Variants in DNM3 observed in about 807,000 individuals in gnomAD.
DNM3 encodes the protein dynamin-3.
Under a neutral mutation model 101.6 loss-of-function variants are expected in DNM3, and 47 were observed. The ratio of observed to expected loss-of-function variants is 0.46; its 90% CI spans 0.37 to 0.59. The LOEUF is 0.59. Among genes scored for constraint, DNM3 ranks in the 20% least tolerant of loss-of-function variants. DNM3 has a pLI of 0.00. For synonymous variants in DNM3, 385 were observed against 387.9 expected (o/e 0.99, Z 0.09); for missense variants, 849 against 1,085.7 (o/e 0.78, Z 3.06).
At chr1:172,023,986 G>A (rs1025091956) in intron 4 of DNM3, among the ~76,000 whole-genome samples, 148 of 150,602 alleles carry the variant, frequency 9.8e-4, no homozygotes, top group African/African-American at 3.3e-3. Flanking sequence ...TTTGCCTGGT[G>A]TTTCTGTTTA....
chr1:172,072,916 G>A (rs2052319982), intron 11 of DNM3, among the ~76,000 whole-genome samples: 1 of 152,122 alleles, frequency 6.6e-6, no homozygotes, highest in Middle Eastern at 3.4e-3. Flanking sequence ...AGAGTTAACT[G>A]TTCTTCAAGC....
chr1:172,399,959 CTG>C (rs1257338039), intron 20 of DNM3: 2 of 151,100 alleles, frequency 1.3e-5, no homozygotes, highest in Non-Finnish European at 2.9e-5. Flanking sequence ...GGTTATTTTT[CTG>C]TGAGTATTTC....
At chr1:172,044,099 T>A (rs1194512992) in intron 8 of DNM3, among the ~76,000 whole-genome samples, 6 of 152,138 alleles carry the variant, frequency 3.9e-5, no homozygotes, top group African/African-American at 1.2e-4. Context: ...AATTATACAT[T>A]TCAAATGAAT....
In DNM3 at chr1:172,184,249, G is replaced by A. The variant is rs149014569; in HGVS notation, c.1659+52961G>A. ...AATTTAGATATGTAGTCTGAATATA[G>A]CATCAGACAACCTGAACTGTTAAAC... is the stretch of plus-strand genomic sequence containing the variant. On this transcript the variant is annotated intron_variant, in intron 14 of 20. Transcript: ENST00000627582. Among the ~76,000 whole-genome samples, 628 of 152,156 alleles carry A rather than the reference G, an allele frequency of 4.1e-3. 13 individuals carry two copies. The highest frequency in any genetic ancestry group is 0.037 in the Admixed American group (564 of 15,268).
intron 13 of DNM3, among the ~76,000 whole-genome samples, chr1:172,108,109 A>G (rs563096162): frequency 3.9e-5 from 6 of 152,296 alleles, no homozygotes; most frequent in African/African-American, 1.4e-4. Flanking sequence ...ACATTTTATC[A>G]TAAATTTTAA....
At chr1:171,953,420 CT>C (rs749644835) in intron 2 of DNM3, among the ~76,000 whole-genome samples, 5,206 of 128,972 alleles carry the variant, frequency 0.04, 109 homozygotes, top group African/African-American at 0.078. Flanking sequence ...ATGCGCAATT[CT>C]TTTTTTTTTT....
At chr1:172,271,206 A>T (rs1045806424) in intron 15 of DNM3, among the ~76,000 whole-genome samples, 4 of 152,098 alleles carry the variant, frequency 2.6e-5, no homozygotes, top group African/African-American at 9.7e-5. Flanking sequence ...GGCCATAGTG[A>T]GAGTATTTAT....
At chr1:172,264,202 G>A (rs2148722833) in intron 15 of DNM3, among the ~76,000 whole-genome samples, 1 of 152,334 alleles carries the variant, frequency 6.6e-6, no homozygotes, top group Middle Eastern at 3.4e-3. Context: ...TATTTAATCT[G>A]TTGCTAGTCT....
At chr1:171,854,735 C>G (rs2033398204) in intron 1 of DNM3, among the ~76,000 whole-genome samples, 1 of 151,836 alleles carries the variant, frequency 6.6e-6, no homozygotes, top group East Asian at 1.9e-4. Context: ...CACCAGCATG[C>G]CAGGCTAATT....
chr1:172,271,058 C>T (rs982672043), intron 15 of DNM3, among the ~76,000 whole-genome samples: 8 of 152,100 alleles, frequency 5.3e-5, no homozygotes, highest in African/African-American at 1.9e-4. Flanking sequence ...GTTGCTCTAT[C>T]ATCACTGTAC....
At chr1:172,016,001 C>A (rs974657344) in intron 4 of DNM3, among the ~76,000 whole-genome samples, 10 of 145,960 alleles carry the variant, frequency 6.9e-5, no homozygotes, top group African/African-American at 2.4e-4. Flanking sequence ...CATGGTGAAA[C>A]CCCATCTCTA....
At chr1:172,372,258 A>AT (rs2068376562) in intron 17 of DNM3, among the ~76,000 whole-genome samples, 1 of 151,862 alleles carries the variant, frequency 6.6e-6, no homozygotes, top group African/African-American at 2.4e-5. Flanking sequence ...AATTCTGCAA[A>AT]TAGGTGTATG....
chr1:172,211,897 T>C (rs2060526975), intron 14 of DNM3, among the ~76,000 whole-genome samples: 1 of 152,136 alleles, frequency 6.6e-6, no homozygotes, highest in Admixed American at 6.6e-5. Flanking sequence ...TGTGAGTGTG[T>C]CTGTCTGCCT....
chr1:172,097,885 C>T (rs1042773564), intron 13 of DNM3, among the ~76,000 whole-genome samples: 1 of 151,994 alleles, frequency 6.6e-6, no homozygotes, highest in Non-Finnish European at 1.5e-5. Flanking sequence ...TGTGATGCCC[C>T]CTGAGCCGTA....
At chr1:172,045,471 C>T (rs1049898723) in intron 9 of DNM3, among the ~76,000 whole-genome samples, 2 of 152,066 alleles carry the variant, frequency 1.3e-5, no homozygotes, top group South Asian at 2.1e-4. Context: ...TATAAGGGCA[C>T]TAATCCCATT....
chr1:172,189,727 A>T (rs1474429751), intron 14 of DNM3, among the ~76,000 whole-genome samples: 2 of 152,034 alleles, frequency 1.3e-5, no homozygotes, highest in Non-Finnish European at 2.9e-5. Flanking sequence ...TGCAGGCTGT[A>T]CAAGTGTGGC....
At chr1:172,325,292 T>C (rs2065895282) in intron 17 of DNM3, among the ~76,000 whole-genome samples, 1 of 152,178 alleles carries the variant, frequency 6.6e-6, no homozygotes, top group African/African-American at 2.4e-5. Flanking sequence ...CGCTTGCGCA[T>C]GTGCTATGAG....
At chr1:171,892,870 G>A (rs2037419353) in intron 1 of DNM3, among the ~76,000 whole-genome samples, 1 of 149,894 alleles carries the variant, frequency 6.7e-6, no homozygotes, top group South Asian at 2.1e-4. Context: ...GGTTTACACT[G>A]TTATGAGAAT....
intron 1 of DNM3, among the ~76,000 whole-genome samples, chr1:171,847,662 A>T (rs1211859639): frequency 6.6e-6 from 1 of 152,180 alleles, no homozygotes; most frequent in African/African-American, 2.4e-5. Context: ...AGGGAGGTGA[A>T]TTCTATTTTC....
Sources: allele counts gnomAD v4.1 joint callset (sites outside exome capture counted in the v4.1 genomes callset), GRCh38; gene constraint gnomAD v4.1.1; transcripts MANE v1.5; gene names NCBI Gene and HGNC (gene_info 2026-07-23, HGNC 2026-07-21).